Variants in KDM3B observed in about 807,000 individuals in gnomAD.
KDM3B encodes the protein lysine demethylase 3B, also known as lysine-specific demethylase 3B.
Under a neutral mutation model 170.0 loss-of-function variants are expected in KDM3B, and 10 were observed. The observed-to-expected ratio is 0.06, with a 90% CI of 0.04 to 0.10. The LOEUF (loss-of-function observed/expected upper bound fraction) is 0.10, where lower values mean the gene tolerates loss of function less well. Among genes scored for constraint, KDM3B ranks in the 10% least tolerant of loss-of-function variants. The pLI is 1.00. For synonymous variants in KDM3B, 831 were observed against 834.8 expected (o/e 1.00, Z 0.08); for missense variants, 1,394 against 2,195.2 (o/e 0.64, Z 7.29).
intron 1 of KDM3B, among the ~76,000 whole-genome samples, chr5:138,359,235 C>A (rs550245352): frequency 6.6e-6 from 1 of 151,700 alleles, no homozygotes; most frequent in East Asian, 1.9e-4. Context: ...GGTCTTGGCT[C>A]ACTGCAACCT....
chr5:138,409,842 C>T (rs1349051036), intron 11 of KDM3B, among the ~76,000 whole-genome samples: 1 of 152,228 alleles, frequency 6.6e-6, no homozygotes, highest in Admixed American at 6.5e-5. Context: ...AATCCTAGCG[C>T]TTCGGGAGGC....
At chr5:138,380,418 T>C (rs1425096893) in intron 5 of KDM3B, among the ~76,000 whole-genome samples, 1 of 150,624 alleles carries the variant, frequency 6.6e-6, no homozygotes, top group Non-Finnish European at 1.5e-5. Context: ...GATCATATAG[T>C]ACATATAGTT....
chr5:138,426,558 G>C (rs1451561026), intron 17 of KDM3B, among the ~76,000 whole-genome samples: 23 of 133,590 alleles, frequency 1.7e-4, no homozygotes, highest in African/African-American at 6.4e-4. Flanking sequence ...CTGGGCAACA[G>C]AGCGAGACTC....
At chr5:138,415,390 C>T (rs1763077382) in intron 12 of KDM3B, 151 bp downstream of exon 12, 1 of 524,310 alleles carries the variant, frequency 1.9e-6, no homozygotes, top group Non-Finnish European at 3.4e-6. Flanking sequence ...TTATTATTAT[C>T]ATTATTATTA....
At chr5:138,370,953 T>C (rs1400434259) in intron 1 of KDM3B, among the ~76,000 whole-genome samples, 1 of 152,068 alleles carries the variant, frequency 6.6e-6, no homozygotes, top group Non-Finnish European at 1.5e-5. Flanking sequence ...GAATTATAGG[T>C]GCCCACCATC....
At chr5:138,426,837 C>T (rs545251378) in intron 17 of KDM3B, 138 bp from the exon 18 acceptor site, 20 of 622,392 alleles carry the variant, frequency 3.2e-5, no homozygotes, top group East Asian at 1.7e-4. Context: ...CACTGCAGCC[C>T]GGGTGACAGA....
In KDM3B at chr5:138,359,991, C is replaced by T. The variant is rs368997995; in HGVS notation, c.192+7004C>T. 1.1e-4 allele frequency among the ~76,000 whole-genome samples: 16 copies of T among 152,240 alleles called. No homozygotes were observed. In the South Asian group the frequency reaches 3.1e-3, roughly 30 times the overall value. On this transcript the variant is annotated intron_variant, in intron 1 of 23. Coordinates refer to ENST00000314358, the MANE Select transcript of KDM3B (RefSeq NM_016604.4). ...TCCAGGAGGAGTGAAAGTGTATCTG[C>T]CTTCTGTTTTTACACCTCCCCACCG...
At position 138,436,902 on chromosome 5, in the gene KDM3B, T is replaced by C. The variant is rs1580970389; in HGVS notation, c.*1202T>C. The stretch of plus-strand genomic sequence containing the variant: ...AGGCTGTTTATATGTTCACAGTTAC[T>C]TTTTTTTTTTTTTTTAAATAAAAGT... On this transcript the variant is annotated 3_prime_UTR_variant, in exon 24 of 24. Coordinates refer to ENST00000314358, the MANE Select transcript of KDM3B (RefSeq NM_016604.4). The C allele has an allele frequency of 7.9e-5, 2 of 25,352 alleles. No individual in the cohort carries two copies. Among genetic ancestry groups the C allele is most frequent in the Non-Finnish European group, 9.3e-5 (1 of 10,768 alleles). The allele number at this position is 25,352 out of a possible 1,614,324, so 1.6% of individuals were successfully genotyped here.
rs1159215081 is a variant in KDM3B at position 138,420,962 on chromosome 5, A to G, written c.3972A>G (p.Ala1324=). 4 of 1,613,764 alleles carry G rather than the reference A, an allele frequency of 2.5e-6. No individual in the cohort carries two copies. Among genetic ancestry groups the G allele is most frequent in the Non-Finnish European group, 3.4e-6 (4 of 1,179,832 alleles). The change falls in exon 15 of 24, where the codon GCA becomes GCG. Residue 1324 remains alanine (A), a splice_region_variant and synonymous_variant. Transcript: ENST00000314358. ...CCCCGGTCTTCTCTACATCCTCAGC[A>G]GTAAGTGTCCTCTGCAACTGTAGCC... ...PFPPVFSTSS[A]GVKSKASLPN...
chr5:138,378,188 G>A (rs139480175), intron 4 of KDM3B, among the ~76,000 whole-genome samples: 3 of 152,132 alleles, frequency 2.0e-5, no homozygotes, highest in Admixed American at 2.0e-4. Flanking sequence ...GGTTCATTCT[G>A]CATTTCATAA....
intron 23 of KDM3B, among the ~76,000 whole-genome samples, chr5:138,434,230 C>G (rs1169820626): frequency 2.0e-5 from 3 of 151,944 alleles, no homozygotes; most frequent in South Asian, 4.2e-4. Flanking sequence ...ACACTCCAGC[C>G]TGGGCAACAG....
rs1167751072 is a variant in KDM3B at position 138,375,196 on chromosome 5, A to C, written c.464A>C (p.His155Pro). 1.2e-6 allele frequency: 2 copies of C among 1,607,716 alleles called. No individual in the cohort carries two copies. Among genetic ancestry groups the C allele is most frequent in the African/African-American group, 2.7e-5 (2 of 74,762 alleles). The change falls in exon 3 of 24, where the codon CAT (histidine) becomes CCT (proline). Residue 155 changes from histidine (H) to proline (P), a missense_variant. His to Pro is a moderately conservative substitution (Grantham distance 77). Around this residue, in one of 19 missense-constraint regions of KDM3B, gnomAD observed 166 missense variants for 216.4 expected, o/e 0.77. Transcript: ENST00000314358. ...TTCCTGTCAGATGCCAATGGGTTGC[A>C]TCTGTTTCAGGTATTTAACACTTGC... ...LRFLSDANGL[H>P]LFQMGTDSQN...
chr5:138,393,124 C>A (rs1365792234), intron 8 of KDM3B, 47 bp from the exon 9 acceptor site: 1 of 1,560,226 alleles, frequency 6.4e-7, no homozygotes, highest in Non-Finnish European at 8.8e-7. Context: ...CTATTGGTTC[C>A]TGTTTACACC....
chr5:138,428,205 G>GTTTT, intron 20 of KDM3B, 119 bp downstream of exon 20: 5 of 766,122 alleles, frequency 6.5e-6, no homozygotes, highest in Non-Finnish European at 9.6e-6. Context: ...TCTTTTTTCT[G>GTTTT]TTTTTTTTTT....
chr5:138,411,071 G>A (rs1433986110), intron 11 of KDM3B, among the ~76,000 whole-genome samples: 1 of 152,086 alleles, frequency 6.6e-6, no homozygotes, highest in Non-Finnish European at 1.5e-5. Flanking sequence ...AACTCCCCCA[G>A]GGAAAAGGAG....
At chr5:138,366,332 C>T (rs1015266918) in intron 1 of KDM3B, among the ~76,000 whole-genome samples, 3 of 151,578 alleles carry the variant, frequency 2.0e-5, no homozygotes, top group African/African-American at 7.3e-5. Flanking sequence ...CTTTTTCTTT[C>T]CTTCTTTCTT....
chr5:138,422,232 A>G (rs1166222774), intron 15 of KDM3B, among the ~76,000 whole-genome samples: 6 of 152,168 alleles, frequency 3.9e-5, no homozygotes, highest in African/African-American at 1.4e-4. Context: ...TGCCTCTCCT[A>G]AAGGCATTTT....
At chr5:138,429,343 T>C (rs1254629528) in intron 20 of KDM3B, among the ~76,000 whole-genome samples, 1 of 152,140 alleles carries the variant, frequency 6.6e-6, no homozygotes, top group Non-Finnish European at 1.5e-5. Flanking sequence ...TGAGCCACCA[T>C]GCCCAGCCTA....
chr5:138,376,658 C>T (rs1580890974), intron 3 of KDM3B, among the ~76,000 whole-genome samples: 1 of 149,610 alleles, frequency 6.7e-6, no homozygotes, highest in African/African-American at 2.5e-5. Flanking sequence ...GAGCCAGGAT[C>T]GTGCCACTGC....
Sources: allele counts gnomAD v4.1 joint callset (sites outside exome capture counted in the v4.1 genomes callset), GRCh38; gene constraint gnomAD v4.1.1; regional missense constraint gnomAD v4.1.1; transcripts MANE v1.5; gene names NCBI Gene and HGNC (gene_info 2026-07-23, HGNC 2026-07-21).